The following NPAS3 variants were observed in gnomAD, a reference collection of about 807,000 sequenced individuals.
NPAS3 encodes neuronal PAS domain protein 3.
In NPAS3, 14 loss-of-function variants were observed where a neutral mutation model predicts 73.1. The observed-to-expected ratio is 0.19, with a 90% confidence interval of 0.13 to 0.30. The LOEUF is 0.30. Among genes scored for constraint, NPAS3 ranks in the 10% least tolerant of loss-of-function variants. NPAS3 has a pLI of 1.00. For synonymous variants in NPAS3, 620 were observed against 541.5 expected (o/e 1.14, Z -2.01); for missense variants, 1,096 against 1,250.0 (o/e 0.88, Z 1.86).
chr14:33,358,288 A>G (rs2045432292), intron 3 of NPAS3, among the ~76,000 whole-genome samples: 1 of 152,114 alleles, frequency 6.6e-6, no homozygotes, highest in Admixed American at 6.5e-5. Flanking sequence ...GACAGTGCCA[A>G]ATGGACATTG....
At chr14:33,036,223 G>T (rs1451364402) in intron 1 of NPAS3, among the ~76,000 whole-genome samples, 1 of 152,180 alleles carries the variant, frequency 6.6e-6, no homozygotes, top group African/African-American at 2.4e-5. Context: ...AGTTGCCTCA[G>T]TAGGGTAGGA....
chr14:33,789,583 C>CTTTTTTTTTTTTT lies in NPAS3; in HGVS notation c.1154-4303_1154-4291dup, dbSNP rs10567527. ...ACTAAAAGTAATTACTAGAGTACAA[C>CTTTTTTTTTTTTT]TTTTTTTTTTTTTTTTTTTTTTTGA... On this transcript the variant is annotated intron_variant, in intron 9 of 11. Transcript: ENST00000356141. Among the ~76,000 whole-genome samples the CTTTTTTTTTTTTT allele has an allele frequency of 2.3e-4, 21 of 92,406 alleles. 1 individual carries two copies. The highest frequency in any genetic ancestry group is 3.9e-4 in the African/African-American group (9 of 23,078). 60.6% of individuals were successfully genotyped at this position (92,406 alleles called of 152,430 possible). A position where few individuals can be genotyped will look rare whatever the true frequency, so the allele number is the denominator to read the frequency against.
At chr14:33,219,332 AAGAGT>A (rs2047338835) in intron 3 of NPAS3, among the ~76,000 whole-genome samples, 1 of 152,222 alleles carries the variant, frequency 6.6e-6, no homozygotes, top group Non-Finnish European at 1.5e-5. Context: ...AGTCAATTTT[AAGAGT>A]CTGTCGTCTG....
chr14:33,489,748 T>C (rs1440745602), intron 4 of NPAS3, among the ~76,000 whole-genome samples: 1 of 152,188 alleles, frequency 6.6e-6, no homozygotes, highest in East Asian at 1.9e-4. Flanking sequence ...TATTATAAAT[T>C]GGCTGGCCTC....
At chr14:33,714,946 A>G (rs961627645) in intron 6 of NPAS3, among the ~76,000 whole-genome samples, 18 of 152,242 alleles carry the variant, frequency 1.2e-4, no homozygotes, top group African/African-American at 3.4e-4. Flanking sequence ...TAAAGCTGGC[A>G]GTTATGACAT....
chr14:33,771,284 T>C (rs1464180313), intron 7 of NPAS3, among the ~76,000 whole-genome samples: 5 of 152,130 alleles, frequency 3.3e-5, no homozygotes, highest in Non-Finnish European at 5.9e-5. Flanking sequence ...CTAACAGATA[T>C]CCCTTTCTTC....
intron 5 of NPAS3, among the ~76,000 whole-genome samples, chr14:33,617,530 C>A (rs1595287737): frequency 1.3e-5 from 2 of 152,148 alleles, no homozygotes; most frequent in East Asian, 1.9e-4. Context: ...CCACCTGTAA[C>A]CTTTGTTATA....
At chr14:33,062,617 T>C (rs1306641041) in intron 2 of NPAS3, among the ~76,000 whole-genome samples, 2 of 152,324 alleles carry the variant, frequency 1.3e-5, no homozygotes, top group Non-Finnish European at 2.9e-5. Flanking sequence ...TTTTAAAAAA[T>C]AATTGGTTGG....
intron 2 of NPAS3, among the ~76,000 whole-genome samples, chr14:33,170,800 C>T (rs1472697202): frequency 1.3e-5 from 2 of 152,188 alleles, no homozygotes; most frequent in Admixed American, 1.3e-4. Flanking sequence ...GAGTTCATTT[C>T]CATACATCTG....
chr14:33,058,828 G>A (rs12323370), intron 2 of NPAS3, among the ~76,000 whole-genome samples: 79 of 152,348 alleles, frequency 5.2e-4, no homozygotes, highest in African/African-American at 1.4e-3. Context: ...AAGCCACTGT[G>A]ATAGAGTTGA....
chr14:33,099,498 A>G (rs2042522020), intron 2 of NPAS3, among the ~76,000 whole-genome samples: 1 of 152,200 alleles, frequency 6.6e-6, no homozygotes. Flanking sequence ...TGTAGTTTGA[A>G]TGAAAGAAAT....
chr14:33,541,745 C>G (rs919265595), intron 4 of NPAS3, among the ~76,000 whole-genome samples: 1 of 152,080 alleles, frequency 6.6e-6, no homozygotes, highest in Non-Finnish European at 1.5e-5. Context: ...CTTGCTTGGT[C>G]CATAAGACCC....
intron 4 of NPAS3, among the ~76,000 whole-genome samples, chr14:33,535,161 G>A (rs750574678): frequency 1.3e-5 from 2 of 152,116 alleles, no homozygotes; most frequent in Non-Finnish European, 2.9e-5. Flanking sequence ...TATAATAAAA[G>A]TATATATACT....
intron 1 of NPAS3, among the ~76,000 whole-genome samples, chr14:33,001,307 A>T (rs1381014093): frequency 1.3e-5 from 2 of 152,196 alleles, no homozygotes; most frequent in African/African-American, 2.4e-5. Flanking sequence ...TACTGACCAG[A>T]ACTCAGTCTT....
At chr14:33,402,203 G>C (rs1342605026) in intron 4 of NPAS3, among the ~76,000 whole-genome samples, 1 of 151,964 alleles carries the variant, frequency 6.6e-6, no homozygotes. Flanking sequence ...CCTTTCAAAA[G>C]CAACATTTGC....
At chr14:33,624,460 T>A (rs1007454351) in intron 5 of NPAS3, among the ~76,000 whole-genome samples, 7 of 152,188 alleles carry the variant, frequency 4.6e-5, no homozygotes, top group African/African-American at 1.7e-4. Context: ...TTTTTTATGA[T>A]TGAGTAAAGT....
Position 33,330,915 on chromosome 14 carries a change from G to A in NPAS3, c.386-36271G>A, listed in dbSNP as rs542589219. 7.9e-5 allele frequency among the ~76,000 whole-genome samples: 12 copies of A among 152,312 alleles called. No individual in the cohort carries two copies. The South Asian group carries it at 1.7e-3, about 21-fold the overall frequency. The stretch of plus-strand genomic sequence containing the variant: ...TTATAAAGAATAATTATTTGCTGGT[G>A]TGAAGGAGGAATGCATTCTAATGAA... On this transcript the variant is annotated intron_variant, in intron 3 of 11. Transcript: ENST00000356141.
chr14:33,068,773 A>G (rs1276637635), intron 2 of NPAS3, among the ~76,000 whole-genome samples: 1 of 152,182 alleles, frequency 6.6e-6, no homozygotes, highest in African/African-American at 2.4e-5. Context: ...GGAGTTAGGC[A>G]TTCACATAGC....
intron 3 of NPAS3, among the ~76,000 whole-genome samples, chr14:33,228,660 CT>C (rs1273522225): frequency 1.3e-5 from 2 of 152,068 alleles, no homozygotes; most frequent in African/African-American, 2.4e-5. Flanking sequence ...ACTAGGCTCT[CT>C]GGGGGATGCA....
Sources: gnomAD v4.1 joint callset for allele counts (sites outside exome capture counted in the v4.1 genomes callset) on GRCh38, gnomAD v4.1.1 for gene constraint, MANE v1.5 for transcripts, NCBI Gene and HGNC (gene_info 2026-07-23, HGNC 2026-07-21) for gene names.